IGFL2: variants seen among roughly 807,000 people sequenced by gnomAD.
IGFL2 encodes the protein insulin growth factor-like family member 2.
In IGFL2, 7 loss-of-function variants were observed where a neutral mutation model predicts 13.9. The observed-to-expected ratio is 0.51, with a 90% CI of 0.29 to 0.95. The LOEUF (loss-of-function observed/expected upper bound fraction) is 0.95. Among genes scored for constraint, IGFL2 ranks in the 40% least tolerant of loss-of-function variants. The pLI, the probability that IGFL2 is intolerant of heterozygous loss-of-function variation, is 0.08. For missense variants in IGFL2, 138 were observed against 147.8 expected (o/e 0.93, Z 0.34); for synonymous variants, 55 against 55.8 (o/e 0.99, Z 0.07).
At chr19:46,086,911 T>G in the IGFL2 span, among the ~76,000 whole-genome samples, 2,051 of 152,284 alleles carry the variant, frequency 0.013, 32 homozygotes, top group Middle Eastern at 0.027. Flanking sequence ...AGTGGTGTCT[T>G]TCATTTTCTC....
downstream of IGFL2, chr19:46,164,686 C>G (rs907593467): frequency 6.6e-6 from 1 of 152,322 alleles, no homozygotes; most frequent in East Asian, 1.9e-4. Flanking sequence ...TTACGTCTTG[C>G]GTGAGGGATA....
At chr19:46,143,478 C>G (rs1226565424), upstream of IGFL2, among the ~76,000 whole-genome samples, 1 of 150,758 alleles carries the variant, frequency 6.6e-6, no homozygotes, top group Non-Finnish European at 1.5e-5. Flanking sequence ...ATGGCTCGCT[C>G]CAGCCTTGAA....
chr19:46,138,453 C>T (rs1568416073), upstream of IGFL2, among the ~76,000 whole-genome samples: 1 of 152,192 alleles, frequency 6.6e-6, no homozygotes, highest in Non-Finnish European at 1.5e-5. Context: ...GGGGTGTTGA[C>T]AAAAGTGCTT....
chr19:46,163,666 T>C (rs564769369), downstream of IGFL2, among the ~76,000 whole-genome samples: 20 of 152,254 alleles, frequency 1.3e-4, no homozygotes, highest in African/African-American at 4.6e-4. Flanking sequence ...GAGGCTCTGT[T>C]CATGGAGTTG....
chr19:46,189,055 G>T, the IGFL2 span: 1 of 154,932 alleles, frequency 6.5e-6, no homozygotes, highest in South Asian at 1.9e-4. Context: ...TGGGCCCGGG[G>T]AACCACTACC....
the IGFL2 span, chr19:46,123,781 CT>C: frequency 6.1e-6 from 8 of 1,301,098 alleles, no homozygotes; most frequent in Middle Eastern, 2.4e-4. Flanking sequence ...ACCAGCCTGA[CT>C]CTTTTGCCGT....
chr19:46,147,090 A>G (rs535869014), upstream of IGFL2, among the ~76,000 whole-genome samples: 6 of 152,328 alleles, frequency 3.9e-5, no homozygotes, highest in South Asian at 2.1e-4. Flanking sequence ...CATCTATTCT[A>G]TGAATCCCAG....
the IGFL2 span, among the ~76,000 whole-genome samples, chr19:46,083,374 C>T: frequency 2.0e-5 from 3 of 152,128 alleles, no homozygotes; most frequent in Admixed American, 2.0e-4. Flanking sequence ...GATATGTGCT[C>T]TTAGGGATTT....
chr19:46,202,971 C>T, the IGFL2 span: 1 of 152,100 alleles, frequency 6.6e-6, no homozygotes, highest in Non-Finnish European at 1.5e-5. Flanking sequence ...GTCTTCGGCA[C>T]CAAATGTCAC....
intron 1 of IGFL2, among the ~76,000 whole-genome samples, chr19:46,155,483 A>T (rs1178988699): frequency 6.6e-6 from 1 of 151,906 alleles, no homozygotes; most frequent in East Asian, 1.9e-4. Flanking sequence ...ACATTTCTTT[A>T]TTTGCTGTAT....
chr19:46,189,807 A>G, the IGFL2 span: 3 of 152,168 alleles, frequency 2.0e-5, no homozygotes, highest in Admixed American at 2.0e-4. Context: ...AGTAATATTC[A>G]TATATAATCA....
chr19:46,179,911 G>T, the IGFL2 span, among the ~76,000 whole-genome samples: 2 of 151,908 alleles, frequency 1.3e-5, no homozygotes, highest in African/African-American at 4.8e-5. Flanking sequence ...GTGAGACTCT[G>T]TCTCAAAAAA....
At chr19:46,083,096 ATTTG>A in the IGFL2 span, among the ~76,000 whole-genome samples, 1 of 152,228 alleles carries the variant, frequency 6.6e-6, no homozygotes, top group Non-Finnish European at 1.5e-5. Flanking sequence ...ACATAAGATA[ATTTG>A]TTTATTGTTT....
At chr19:46,176,423 C>T in the IGFL2 span, among the ~76,000 whole-genome samples, 1 of 152,130 alleles carries the variant, frequency 6.6e-6, no homozygotes, top group South Asian at 2.1e-4. Flanking sequence ...GCTGGAGATG[C>T]TCTAGGATGC....
chr19:46,081,166 G>A, the IGFL2 span, among the ~76,000 whole-genome samples: 1 of 152,152 alleles, frequency 6.6e-6, no homozygotes, highest in Non-Finnish European at 1.5e-5. Context: ...GATACATAAC[G>A]CTTATTTCAG....
the IGFL2 span, among the ~76,000 whole-genome samples, chr19:46,088,774 A>C: frequency 6.6e-6 from 1 of 152,232 alleles, no homozygotes; most frequent in Non-Finnish European, 1.5e-5. Flanking sequence ...TTCTGGAGTG[A>C]TCATGTCATT....
the IGFL2 span, among the ~76,000 whole-genome samples, chr19:46,181,823 G>A: frequency 1.1e-4 from 16 of 152,304 alleles, no homozygotes; most frequent in East Asian, 2.9e-3. Context: ...GTTGTTCTCA[G>A]TATATTTGGC....
chr19:46,167,178 C>T, the IGFL2 span, among the ~76,000 whole-genome samples: 2 of 152,230 alleles, frequency 1.3e-5, no homozygotes, highest in Non-Finnish European at 2.9e-5. Context: ...TCACAATCCA[C>T]GTTCTTCTGT....
chr19:46,181,803 A>C, the IGFL2 span, among the ~76,000 whole-genome samples: 1 of 152,240 alleles, frequency 6.6e-6, no homozygotes. Context: ...AAGTCTTTGC[A>C]ACAATACTGG....
Sources: allele counts gnomAD v4.1 joint callset (sites outside exome capture counted in the v4.1 genomes callset), GRCh38; gene constraint gnomAD v4.1.1; transcripts MANE v1.5; gene names NCBI Gene and HGNC (gene_info 2026-07-23, HGNC 2026-07-21).